MAP2K4: variants seen among roughly 807,000 people sequenced by gnomAD.
MAP2K4 encodes the protein mitogen-activated protein kinase kinase 4, also known as dual specificity mitogen-activated protein kinase kinase 4.
MAP2K4 carries 4 observed loss-of-function variants against 48.5 expected under a neutral mutation model. The ratio of observed to expected loss-of-function variants is 0.08; its 90% CI spans 0.04 to 0.19. The LOEUF (loss-of-function observed/expected upper bound fraction) is 0.19, where lower values mean the gene tolerates loss of function less well. MAP2K4 is among the 10% of genes least tolerant of loss of function. The pLI is 1.00. For synonymous variants in MAP2K4, 166 were observed against 173.1 expected, an observed-to-expected ratio of 0.96 and a Z score of 0.32; for missense variants, 258 against 493.3, an observed-to-expected ratio of 0.52 and a Z score of 4.52.
intron 1 of MAP2K4, chr17:12,032,331 TA>T (rs1487011207): frequency 1.7e-6 from 2 of 1,189,652 alleles, no homozygotes; most frequent in South Asian, 2.2e-5. Flanking sequence ...TTATGCTATT[TA>T]TTTTTTTCAT....
At chr17:12,092,690 A>T (rs1324497360) in intron 3 of MAP2K4, among the ~76,000 whole-genome samples, 1 of 152,222 alleles carries the variant, frequency 6.6e-6, no homozygotes, top group African/African-American at 2.4e-5. Context: ...AATTCCTCAC[A>T]TATGATAAAT....
rs117074056 is a variant in MAP2K4 at position 12,030,315 on chromosome 17, C to T, written c.115+9314C>T. 1.4e-3 allele frequency among the ~76,000 whole-genome samples: 216 copies of T among 152,232 alleles called. 2 individuals carry two copies. In the East Asian group the frequency reaches 0.033, roughly 23 times the overall value. The stretch of plus-strand genomic sequence containing the variant: ...ACCTTGCTTGTCAGTGGACTCTGGG[C>T]GAGTTACCAAGTATTTTCTTAGTGA... On this transcript the variant is annotated intron_variant, in intron 1 of 10. Coordinates refer to ENST00000353533, the MANE Select transcript of MAP2K4 (RefSeq NM_003010.4).
chr17:12,043,425 G>GC (rs1969858451), intron 1 of MAP2K4, among the ~76,000 whole-genome samples: 1 of 152,066 alleles, frequency 6.6e-6, no homozygotes, highest in Non-Finnish European at 1.5e-5. Flanking sequence ...CCTGGAGTTA[G>GC]CATCAGATCT....
At chr17:12,055,968 G>T (rs1407912789) in intron 2 of MAP2K4, among the ~76,000 whole-genome samples, 2 of 152,014 alleles carry the variant, frequency 1.3e-5, no homozygotes, top group Non-Finnish European at 2.9e-5. Context: ...TCAGAGCTCA[G>T]CCTAGAGTCC....
chr17:12,122,512 G>A (rs1021835811), intron 7 of MAP2K4, among the ~76,000 whole-genome samples: 14 of 152,246 alleles, frequency 9.2e-5, no homozygotes, highest in African/African-American at 3.4e-4. Flanking sequence ...TTATTATATA[G>A]AAATACAACT....
chr17:12,074,707 G>A (rs1340908938), intron 2 of MAP2K4, among the ~76,000 whole-genome samples: 2 of 152,224 alleles, frequency 1.3e-5, no homozygotes, highest in East Asian at 3.9e-4. Flanking sequence ...CCTGTACTCT[G>A]CCATGTGAAC....
intron 1 of MAP2K4, among the ~76,000 whole-genome samples, chr17:12,038,225 C>G (rs1461153035): frequency 6.6e-6 from 1 of 152,068 alleles, no homozygotes; most frequent in Non-Finnish European, 1.5e-5. Flanking sequence ...TTAGCTCATA[C>G]ATTTAGGGTG....
intron 1 of MAP2K4, among the ~76,000 whole-genome samples, chr17:12,054,244 G>A (rs774022777): frequency 6.6e-6 from 1 of 152,048 alleles, no homozygotes; most frequent in Non-Finnish European, 1.5e-5. Flanking sequence ...CCTATGTATT[G>A]TATAGGTGTA....
At chr17:12,066,532 CT>C (rs1970621459) in intron 2 of MAP2K4, among the ~76,000 whole-genome samples, 1 of 151,932 alleles carries the variant, frequency 6.6e-6, no homozygotes, top group Non-Finnish European at 1.5e-5. Flanking sequence ...TCCTCCTCTT[CT>C]TCTTCTTCTT....
rs2151598743 is a variant in MAP2K4 at position 12,139,897 on chromosome 17, C to T, written c.1086+13C>T. 6.3e-7 allele frequency: 1 copy of T among 1,583,356 alleles called. No individual in the cohort carries two copies. The highest frequency in any genetic ancestry group is 2.3e-5 in the East Asian group (1 of 44,166). ...TAAAGAGCTTCTGGTGAGTGTGGGA[C>T]TGTGGGGATTGTAGGTACATCCTAA... On this transcript the variant is annotated intron_variant, in intron 10 of 10. Transcript: ENST00000353533.
chr17:12,088,676 A>G (rs1324303823), intron 3 of MAP2K4, among the ~76,000 whole-genome samples: 1 of 146,212 alleles, frequency 6.8e-6, no homozygotes, highest in African/African-American at 2.5e-5. Flanking sequence ...CCTTTGCTAT[A>G]TCACTCTTTA....
At chr17:12,073,847 A>G (rs1233066166) in intron 2 of MAP2K4, among the ~76,000 whole-genome samples, 1 of 146,466 alleles carries the variant, frequency 6.8e-6, no homozygotes, top group Non-Finnish European at 1.5e-5. Flanking sequence ...ATCTCGGCTC[A>G]CTGGGAACCT....
At chr17:12,055,170 TTGAC>T (rs1392660682) in intron 2 of MAP2K4, among the ~76,000 whole-genome samples, 179 bp downstream of exon 2, 1 of 152,130 alleles carries the variant, frequency 6.6e-6, no homozygotes, top group Non-Finnish European at 1.5e-5. Flanking sequence ...TTTAGGAAAT[TTGAC>T]TGTCTTCTGT....
At chr17:12,025,650 A>G (rs763111813) in intron 1 of MAP2K4, among the ~76,000 whole-genome samples, 3 of 152,136 alleles carry the variant, frequency 2.0e-5, no homozygotes, top group East Asian at 1.9e-4. Flanking sequence ...GTCCTTAGCT[A>G]TTTACCCTTA....
chr17:12,101,250 G>A (rs1971927100), intron 4 of MAP2K4, among the ~76,000 whole-genome samples: 1 of 151,966 alleles, frequency 6.6e-6, no homozygotes, highest in South Asian at 2.1e-4. Flanking sequence ...GTTATATATT[G>A]ATGATTTTTT....
chr17:12,042,743 C>G (rs533370242), intron 1 of MAP2K4, among the ~76,000 whole-genome samples: 13 of 152,122 alleles, frequency 8.5e-5, no homozygotes, highest in Non-Finnish European at 1.5e-4. Context: ...CGTACACACT[C>G]TTTGCTTTAA....
intron 2 of MAP2K4, among the ~76,000 whole-genome samples, chr17:12,080,612 G>T (rs191873977): frequency 6.6e-6 from 1 of 152,044 alleles, no homozygotes; most frequent in Non-Finnish European, 1.5e-5. Context: ...TCGAACGAGG[G>T]CTGAAAATTT....
At chr17:12,023,531 T>C (rs1969161819) in intron 1 of MAP2K4, among the ~76,000 whole-genome samples, 1 of 152,226 alleles carries the variant, frequency 6.6e-6, no homozygotes. Flanking sequence ...CTGGGAGTTG[T>C]TAATGACCAT....
intron 3 of MAP2K4, 24 bp from the exon 4 acceptor site, chr17:12,095,551 A>C (rs746145681): frequency 1.9e-6 from 3 of 1,612,252 alleles, no homozygotes; most frequent in Non-Finnish European, 2.5e-6. Context: ...TGTTTTTTTG[A>C]CATCTTTTGT....
Sources: gnomAD v4.1 joint callset for allele counts (sites outside exome capture counted in the v4.1 genomes callset) on GRCh38, gnomAD v4.1.1 for gene constraint, MANE v1.5 for transcripts, NCBI Gene and HGNC (gene_info 2026-07-23, HGNC 2026-07-21) for gene names.